RCC1L: variants seen among roughly 807,000 people sequenced by gnomAD.
RCC1L encodes the protein RCC1 like, also known as RCC1-like G exchanging factor-like protein.
A neutral mutation model predicts 58.6 loss-of-function variants in RCC1L; 46 were observed. The ratio of observed to expected loss-of-function variants is 0.79; its 90% CI spans 0.62 to 1.00. The LOEUF (loss-of-function observed/expected upper bound fraction) is 1.00. Ranked by LOEUF, RCC1L falls within the 50% of genes least tolerant of loss-of-function variation. RCC1L has a pLI of 0.00. For missense variants in RCC1L, 636 were observed against 623.6 expected, an observed-to-expected ratio of 1.02 and a Z score of -0.21; for synonymous variants, 281 against 262.9, an observed-to-expected ratio of 1.07 and a Z score of -0.67.
intron 6 of RCC1L, among the ~76,000 whole-genome samples, chr7:75,060,891 G>C (rs1806254562): frequency 6.6e-6 from 1 of 151,790 alleles, no homozygotes; most frequent in African/African-American, 2.4e-5. Flanking sequence ...AGACCAGCCT[G>C]GGCAACATGG....
chr7:75,066,093 C>A (rs1554445070), intron 3 of RCC1L, among the ~76,000 whole-genome samples: 1 of 151,928 alleles, frequency 6.6e-6, no homozygotes, highest in African/African-American at 2.4e-5. Context: ...ATCAGGCTGC[C>A]TTGTGTGCAG....
intron 10 of RCC1L, among the ~76,000 whole-genome samples, chr7:75,035,700 T>A (rs1454532641): frequency 6.6e-6 from 1 of 151,754 alleles, no homozygotes; most frequent in African/African-American, 2.4e-5. Context: ...AAATGTTATA[T>A]TATATATTAA....
chr7:75,030,231 G>A (rs1056301316), intron 10 of RCC1L, among the ~76,000 whole-genome samples: 298 of 152,362 alleles, frequency 2.0e-3, no homozygotes, highest in African/African-American at 6.3e-3. Context: ...GCATGTACCT[G>A]TGAGCGTGGA....
At position 75,043,070 on chromosome 7, in the gene RCC1L, C is replaced by T. The variant is rs1043483704; in HGVS notation, c.1357G>A (p.Val453Met). The change falls in exon 11 of 11, where the codon GTG becomes ATG. Residue 453 changes from valine (V) to methionine (M), a missense_variant. Val to Met is a conservative substitution (Grantham distance 21, BLOSUM62 1). Coordinates refer to ENST00000610322, the MANE Select transcript of RCC1L (RefSeq NM_030798.5). ...TTGGCCAGGGTCACCATGTGGTCCA[C>T]GCCACATGCCACGTCCACAGGCTCC... is the stretch of plus-strand genomic sequence containing the variant. ...PGEPVDVACG[V>M]DHMVTLAKSF... is the part of the protein sequence containing the mutation. The T allele has an allele frequency of 1.3e-5, 21 of 1,613,914 alleles. No individual in the cohort carries two copies. The Middle Eastern group carries it at 4.9e-4, about 38-fold the overall frequency.
intron 2 of RCC1L, 83 bp from the exon 3 acceptor site, chr7:75,066,875 G>GA (rs1252023167): frequency 5.5e-5 from 82 of 1,478,252 alleles, no homozygotes; most frequent in Non-Finnish European, 6.7e-5. Flanking sequence ...TACTACACTG[G>GA]AAAAAAGAGA....
intron 10 of RCC1L, among the ~76,000 whole-genome samples, chr7:75,034,710 TTAA>T (rs1471460176): frequency 2.0e-5 from 3 of 152,138 alleles, no homozygotes; most frequent in Non-Finnish European, 4.4e-5. Flanking sequence ...GTTTTTTTCT[TTAA>T]ATTTATTTGC....
intron 3 of RCC1L, 27 bp downstream of exon 3, chr7:75,066,636 TC>T: frequency 1.9e-6 from 3 of 1,607,906 alleles, no homozygotes; most frequent in Non-Finnish European, 2.5e-6. Context: ...CCTGCACTCT[TC>T]CATCACCCTT....
chr7:75,034,241 C>T (rs1250558877), intron 10 of RCC1L, among the ~76,000 whole-genome samples: 4 of 152,198 alleles, frequency 2.6e-5, no homozygotes, highest in South Asian at 2.1e-4. Context: ...TGCAGCTGGG[C>T]GTGGTGGCTT....
intron 2 of RCC1L, among the ~76,000 whole-genome samples, chr7:75,067,157 C>T (rs587643731): frequency 3.3e-5 from 5 of 152,048 alleles, no homozygotes; most frequent in African/African-American, 1.2e-4. Context: ...AAAAATTAGC[C>T]GGGCATGGTG....
chr7:75,032,976 G>A (rs1330779050), intron 10 of RCC1L, among the ~76,000 whole-genome samples: 2 of 150,536 alleles, frequency 1.3e-5, no homozygotes, highest in African/African-American at 4.9e-5. Context: ...GGAGGCTGAG[G>A]CAGGAGAATG....
chr7:75,035,017 A>T (rs1805406886), intron 10 of RCC1L, among the ~76,000 whole-genome samples: 1 of 151,760 alleles, frequency 6.6e-6, no homozygotes, highest in Non-Finnish European at 1.5e-5. Context: ...AGGGTTCCCT[A>T]ATTTATTTAT....
At chr7:75,064,737 G>T in intron 3 of RCC1L, 89 bp from the exon 4 acceptor site, 1 of 1,440,620 alleles carries the variant, frequency 6.9e-7, no homozygotes, top group Non-Finnish European at 9.8e-7. Context: ...TGGTGGTCCC[G>T]TCCTGGTTAC....
chr7:75,070,638 A>G lies in RCC1L; in HGVS notation c.454+2T>C. ...AAGAGGAGACAAGGTAGGGATGCTCACTTTTATCTTTCCGGCTCCTGTGAA... is the reference window on the plus strand; with the variant it reads ...AAGAGGAGACAAGGTAGGGATGCTCGCTTTTATCTTTCCGGCTCCTGTGAA... On this transcript the variant is annotated splice_donor_variant, in intron 2 of 10. Transcript: ENST00000610322. LOFTEE classifies it high-confidence loss of function. 1 of 1,613,876 alleles carries G rather than the reference A, an allele frequency of 6.2e-7. No individual in the cohort carries two copies. The highest frequency in any genetic ancestry group is 1.1e-5 in the South Asian group (1 of 91,076).
At chr7:75,031,231 AT>A (rs1805294460) in intron 10 of RCC1L, among the ~76,000 whole-genome samples, 2 of 152,108 alleles carry the variant, frequency 1.3e-5, no homozygotes, top group African/African-American at 4.8e-5. Context: ...AGCCCCCACC[AT>A]CGTAGTGGGG....
At position 75,043,010 on chromosome 7, in the gene RCC1L, C is replaced by T. The variant is rs1805611712; in HGVS notation, c.*22G>A. Reference sequence around the variant, plus strand: ...GTGCCAGTGGTTCCCGGGACGGGGCCGCCCAAGCAGGTGAGGGAGGTTTAG... The same window carrying T: ...GTGCCAGTGGTTCCCGGGACGGGGCTGCCCAAGCAGGTGAGGGAGGTTTAG... On this transcript the variant is annotated 3_prime_UTR_variant, in exon 11 of 11. Transcript: ENST00000610322. 43 of 1,613,880 alleles carry T rather than the reference C, an allele frequency of 2.7e-5. No homozygotes were observed. The highest frequency in any genetic ancestry group is 1.6e-4 in the Middle Eastern group (1 of 6,076).
chr7:75,041,371 C>G (rs954953910), downstream of RCC1L, among the ~76,000 whole-genome samples: 1 of 152,036 alleles, frequency 6.6e-6, no homozygotes. Context: ...CTTCACGGTG[C>G]GGGGATTTTT....
intron 5 of RCC1L, among the ~76,000 whole-genome samples, chr7:75,061,786 C>T (rs1479456410): frequency 5.3e-5 from 8 of 152,190 alleles, no homozygotes; most frequent in Non-Finnish European, 1.0e-4. Flanking sequence ...CAACAACTCT[C>T]CTCAGTTCCA....
At chr7:75,064,543 A>T in intron 4 of RCC1L, 39 bp downstream of exon 4, 1 of 1,610,812 alleles carries the variant, frequency 6.2e-7, no homozygotes, top group Non-Finnish European at 8.5e-7. Flanking sequence ...TTTGACACTT[A>T]ACTCAACATG....
At chr7:75,046,898 G>A (rs1487345531) in intron 10 of RCC1L, among the ~76,000 whole-genome samples, 1 of 152,182 alleles carries the variant, frequency 6.6e-6, no homozygotes, top group African/African-American at 2.4e-5. Context: ...GGACAAGAGA[G>A]CCAGAGAAAG....
Sources: allele counts gnomAD v4.1 joint callset (sites outside exome capture counted in the v4.1 genomes callset), GRCh38; gene constraint gnomAD v4.1.1; transcripts MANE v1.5; gene names NCBI Gene and HGNC (gene_info 2026-07-23, HGNC 2026-07-21).